Variants in RYR3 observed in about 807,000 individuals in gnomAD.
RYR3 encodes the protein ryanodine receptor 3, also known as brain ryanodine receptor-calcium release channel.
In RYR3, 207 loss-of-function variants were observed where a neutral mutation model predicts 584.3. The observed-to-expected ratio is 0.35, with a 90% confidence interval of 0.32 to 0.40. The LOEUF (loss-of-function observed/expected upper bound fraction) is 0.40. RYR3 is among the 10% of genes least tolerant of loss of function. The probability of loss-of-function intolerance (pLI) is 1.00; values close to 1 mark genes in which losing one functional copy is unlikely to be tolerated. For synonymous variants in RYR3, 2,416 were observed against 2,248.5 expected (o/e 1.07, Z -2.11); for missense variants, 5,616 against 6,089.2 (o/e 0.92, Z 2.59).
At position 33,570,048 on chromosome 15, in the gene RYR3, A is replaced by G. The variant is rs545790179; in HGVS notation, c.1268+3249A>G. Among the ~76,000 whole-genome samples the G allele has an allele frequency of 2.6e-5, 4 of 152,028 alleles. No individual in the cohort carries two copies. The South Asian group carries it at 8.3e-4, about 32-fold the overall frequency. On this transcript the variant is annotated intron_variant, in intron 12 of 103. Transcript: ENST00000634891. Reference sequence around the variant, plus strand: ...CTTTGGCTTTTCTCATTTTTTTTAAATGGTGTCTTTTGAAGCACAAACGTT... The same window carrying G: ...CTTTGGCTTTTCTCATTTTTTTTAAGTGGTGTCTTTTGAAGCACAAACGTT...
chr15:33,517,942 G>A (rs1160903498), intron 3 of RYR3, among the ~76,000 whole-genome samples: 1 of 152,110 alleles, frequency 6.6e-6, no homozygotes, highest in Non-Finnish European at 1.5e-5. Flanking sequence ...TGGCACTTAT[G>A]GAACACCTAC....
chr15:33,608,857 G>T (rs1162078819), intron 18 of RYR3, among the ~76,000 whole-genome samples: 1 of 152,248 alleles, frequency 6.6e-6, no homozygotes, highest in Non-Finnish European at 1.5e-5. Flanking sequence ...GCTCCTCCTG[G>T]TGGTTATTTT....
At chr15:33,786,409 C>G (rs1345621379) in intron 66 of RYR3, among the ~76,000 whole-genome samples, 1 of 152,070 alleles carries the variant, frequency 6.6e-6, no homozygotes, top group Non-Finnish European at 1.5e-5. Context: ...TACTGTCACT[C>G]TGCATTTGTA....
At chr15:33,853,457 G>A (rs896002932) in intron 95 of RYR3, 98 bp from the exon 96 acceptor site, 35 of 1,428,368 alleles carry the variant, frequency 2.5e-5, no homozygotes, top group Non-Finnish European at 2.8e-5. Context: ...CCCCTTGGAA[G>A]ATTGCCCATA....
At chr15:33,477,397 C>A (rs572104879) in intron 2 of RYR3, among the ~76,000 whole-genome samples, 172 of 152,068 alleles carry the variant, frequency 1.1e-3, no homozygotes, top group Non-Finnish European at 2.2e-3. Context: ...TTAACACTTG[C>A]TATAGACATG....
intron 10 of RYR3, among the ~76,000 whole-genome samples, chr15:33,560,342 G>A (rs2057333695): frequency 6.6e-6 from 1 of 152,146 alleles, no homozygotes; most frequent in Non-Finnish European, 1.5e-5. Flanking sequence ...GACTGCCGTA[G>A]AATTTGGAAG....
chr15:33,836,915 C>G lies in RYR3; in HGVS notation c.11578C>G (p.Gln3860Glu), dbSNP rs1223170782. The G allele has an allele frequency of 6.2e-7, 1 of 1,613,166 alleles. No individual in the cohort carries two copies. Among genetic ancestry groups the G allele is most frequent in the East Asian group, 2.2e-5 (1 of 44,864 alleles). Residue 3860 changes from glutamine to glutamate, a missense_variant, in exon 88 of 104, where the codon CAG (glutamine) becomes GAG (glutamate). Gln to Glu is a conservative substitution (Grantham distance 29, BLOSUM62 2). Around this residue, in one of 9 missense-constraint regions of RYR3, gnomAD observed 954 missense variants for 1,132.2 expected, o/e 0.84. Coordinates refer to ENST00000634891, the MANE Select transcript of RYR3 (RefSeq NM_001036.6). ...MQMKLSQDSS[Q>E]IELLKELLDL... ...CCTGTTTCTGTTCTAGGATTCCAGT[C>G]AGATCGAGCTGCTGAAGGAACTCTT...
At position 33,581,633 on chromosome 15, in the gene RYR3, C is replaced by A; in HGVS notation, c.1563C>A (p.Tyr521Ter). ...GGAAAGAAATTCTGAACCTCCTCTA[C>A]AAATTGCTGGGTAAGTACACATACA... is the stretch of plus-strand genomic sequence containing the variant. ...MAWKEILNLL[Y>*]KLLAALIRGN... The change falls in exon 14 of 104, where the codon TAC becomes TAA. Residue 521 changes from tyrosine (Y) to a stop codon, truncating the protein, a stop_gained. Transcript: ENST00000634891. LOFTEE classifies it high-confidence loss of function. The A allele has an allele frequency of 6.2e-7, 1 of 1,613,622 alleles. No individual in the cohort carries two copies. Among genetic ancestry groups the A allele is most frequent in the Non-Finnish European group, 8.5e-7 (1 of 1,179,572 alleles).
chr15:33,849,272 C>T (rs1007675906), intron 94 of RYR3: 2 of 152,208 alleles, frequency 1.3e-5, no homozygotes, highest in Non-Finnish European at 2.9e-5. Context: ...AGCCTGCCTT[C>T]CTGTAGGCAT....
chr15:33,408,474 G>A (rs1368790570), intron 1 of RYR3, among the ~76,000 whole-genome samples: 1 of 152,136 alleles, frequency 6.6e-6, no homozygotes, highest in East Asian at 1.9e-4. Context: ...ATCAATGATT[G>A]TGTCTTTTTA....
rs1266325826 is a variant in RYR3, at chr15:33,789,625, TA to T, written c.9830+1168del. 5.9e-3 allele frequency among the ~76,000 whole-genome samples: 49 copies of T among 8,332 alleles called. 1 individual carries two copies. Among genetic ancestry groups the T allele is most frequent in the African/African-American group, 0.016 (42 of 2,670 alleles). 5.5% of individuals were successfully genotyped at this position (8,332 alleles called of 152,430 possible). On this transcript the variant is annotated intron_variant, in intron 67 of 103. Transcript: ENST00000634891. ...ATATGCATGTTACCAGGTTTTATTT[TA>T]TATATATATATATATATATATATAT...
At chr15:33,339,375 G>A (rs910785569) in intron 1 of RYR3, among the ~76,000 whole-genome samples, 2 of 152,222 alleles carry the variant, frequency 1.3e-5, no homozygotes, top group East Asian at 3.8e-4. Flanking sequence ...AGTGACCAGG[G>A]AACGAGTTAC....
chr15:33,505,644 A>C (rs1439613914), intron 3 of RYR3, among the ~76,000 whole-genome samples: 2 of 152,142 alleles, frequency 1.3e-5, no homozygotes, highest in Admixed American at 6.5e-5. Context: ...GGCGCCCGCC[A>C]CCATGCCCGG....
rs369591701 is a variant in RYR3, at chr15:33,586,065, C to T, written c.1737C>T (p.Gly579=). 7 of 1,613,494 alleles carry T rather than the reference C, an allele frequency of 4.3e-6. No homozygotes were observed. Among genetic ancestry groups the T allele is most frequent in the Middle Eastern group, 1.7e-4 (1 of 6,058 alleles). ...AAGCCTTAAATCTGATAGCGGAGGG[C>T]CACATCAAGTCGATCATCTCCCTGT... is the stretch of plus-strand genomic sequence containing the variant. ...SPEALNLIAE[G]HIKSIISLLD... is the part of the protein sequence containing the mutation. Residue 579 remains glycine (G), a synonymous_variant, in exon 16 of 104, where the codon GGC becomes GGT. Transcript: ENST00000634891.
chr15:33,753,336 C>G (rs2071507532), intron 57 of RYR3, among the ~76,000 whole-genome samples: 1 of 152,192 alleles, frequency 6.6e-6, no homozygotes, highest in South Asian at 2.1e-4. Flanking sequence ...AGATACAACT[C>G]TACTGGAGAG....
chr15:33,614,558 T>TA (rs1442186414), intron 19 of RYR3, among the ~76,000 whole-genome samples: 1 of 152,180 alleles, frequency 6.6e-6, no homozygotes, highest in East Asian at 1.9e-4. Flanking sequence ...TTTTTATGCT[T>TA]ACTTTTAATG....
At chr15:33,648,491 G>C (rs1312195335) in intron 30 of RYR3, among the ~76,000 whole-genome samples, 2 of 152,336 alleles carry the variant, frequency 1.3e-5, no homozygotes, top group East Asian at 3.9e-4. Flanking sequence ...AAAAACTGCT[G>C]TACTTCTCAA....
chr15:33,816,824 G>C (rs2076836918), intron 74 of RYR3, 38 bp from the exon 75 acceptor site: 3 of 1,351,488 alleles, frequency 2.2e-6, no homozygotes, highest in Non-Finnish European at 3.1e-6. Context: ...CAAGTTCCAT[G>C]GATCCCTCTT....
intron 1 of RYR3, among the ~76,000 whole-genome samples, chr15:33,436,837 G>T (rs1441852199): frequency 6.6e-6 from 1 of 152,134 alleles, no homozygotes; most frequent in East Asian, 1.9e-4. Context: ...GCAATTTGAT[G>T]TATTAGCCTT....
Sources: gnomAD v4.1 joint callset for allele counts (sites outside exome capture counted in the v4.1 genomes callset) on GRCh38, gnomAD v4.1.1 for gene constraint, gnomAD v4.1.1 regional missense constraint, MANE v1.5 for transcripts, NCBI Gene and HGNC (gene_info 2026-07-23, HGNC 2026-07-21) for gene names.